Variants in IL1RAPL1 observed in about 807,000 individuals in gnomAD.
IL1RAPL1 encodes interleukin-1 receptor accessory protein-like 1.
In IL1RAPL1, 3 loss-of-function variants were observed where a neutral mutation model predicts 48.4. That is an observed-to-expected ratio of 0.06 (90% CI 0.03 to 0.16). The LOEUF (loss-of-function observed/expected upper bound fraction) is 0.16, where lower values mean the gene tolerates loss of function less well. Among genes scored for constraint, IL1RAPL1 ranks in the 10% least tolerant of loss-of-function variants. The pLI, the probability that IL1RAPL1 is intolerant of heterozygous loss-of-function variation, is 1.00. For synonymous variants in IL1RAPL1, 185 were observed against 187.7 expected (o/e 0.99, Z 0.12); for missense variants, 349 against 530.6 (o/e 0.66, Z 3.36).
intron 1 of IL1RAPL1, among the ~76,000 whole-genome samples, chrX:28,747,997 A>G (rs1386810243): frequency 8.9e-6 from 1 of 111,837 alleles, no homozygotes; most frequent in Non-Finnish European, 1.9e-5. Flanking sequence ...CTTCTAATTC[A>G]CTAATTCTCT....
At chrX:28,985,187 C>T (rs964395511) in intron 2 of IL1RAPL1, among the ~76,000 whole-genome samples, 1 of 111,619 alleles carries the variant, frequency 9.0e-6, no homozygotes, top group African/African-American at 3.3e-5. Context: ...TGAGCCTTGA[C>T]TGAGTGTTAG....
At chrX:29,936,102 C>T (rs1421357471) in intron 8 of IL1RAPL1, among the ~76,000 whole-genome samples, 1 of 109,183 alleles carries the variant, frequency 9.2e-6, no homozygotes, top group African/African-American at 3.3e-5. Context: ...GTTTCCCCCA[C>T]CCCCCGCAAA....
intron 2 of IL1RAPL1, among the ~76,000 whole-genome samples, chrX:28,855,995 A>G (rs944105410): frequency 5.4e-5 from 6 of 112,114 alleles, no homozygotes; most frequent in African/African-American, 1.9e-4. Context: ...TATTTAATAC[A>G]AAATCTCCAA....
chrX:29,416,271 G>T (rs1371378764), intron 5 of IL1RAPL1, among the ~76,000 whole-genome samples: 1 of 111,404 alleles, frequency 9.0e-6, no homozygotes, highest in African/African-American at 3.3e-5. Flanking sequence ...TGGGCTGGGC[G>T]CATTGGCTCA....
chrX:28,596,349 CCCTT>C (rs1372562337), intron 1 of IL1RAPL1, among the ~76,000 whole-genome samples: 2 of 109,611 alleles, frequency 1.8e-5, no homozygotes, highest in African/African-American at 6.6e-5. Flanking sequence ...CTCCCTCCCT[CCCTT>C]CCTTCCTTCC....
At chrX:29,171,121 C>T (rs1318796615) in intron 2 of IL1RAPL1, among the ~76,000 whole-genome samples, 1 of 110,818 alleles carries the variant, frequency 9.0e-6, no homozygotes, top group Non-Finnish European at 1.9e-5. Flanking sequence ...CTCAGCCTCC[C>T]GAGTAGCTGG....
intron 2 of IL1RAPL1, among the ~76,000 whole-genome samples, chrX:29,160,749 A>G (rs149779698): frequency 1.2e-4 from 13 of 112,451 alleles, no homozygotes; most frequent in African/African-American, 3.9e-4. Context: ...TTAACAGTTA[A>G]ACAAGACATT....
At chrX:29,319,857 A>G (rs1932792265) in intron 3 of IL1RAPL1, among the ~76,000 whole-genome samples, 1 of 111,358 alleles carries the variant, frequency 9.0e-6, no homozygotes, top group Non-Finnish European at 1.9e-5. Flanking sequence ...AGTTTATGAC[A>G]TTTTAATTTA....
chrX:29,864,075 G>A (rs1170453755), intron 6 of IL1RAPL1, among the ~76,000 whole-genome samples: 3 of 112,138 alleles, frequency 2.7e-5, no homozygotes, highest in Admixed American at 1.9e-4. Flanking sequence ...GTGAGCCACC[G>A]TGCCCAGCTG....
At chrX:29,037,166 G>A (rs988870530) in intron 2 of IL1RAPL1, among the ~76,000 whole-genome samples, 1 of 111,802 alleles carries the variant, frequency 8.9e-6, no homozygotes, top group Non-Finnish European at 1.9e-5. Context: ...ACATAAATAT[G>A]ACCAGTTAAA....
intron 5 of IL1RAPL1, among the ~76,000 whole-genome samples, chrX:29,595,938 C>T (rs1050542507): frequency 9.0e-6 from 1 of 111,524 alleles, no homozygotes; most frequent in African/African-American, 3.3e-5. Flanking sequence ...GATCCAGTTT[C>T]ATTCTTCTGT....
At chrX:29,908,582 T>G (rs1016778855) in intron 6 of IL1RAPL1, among the ~76,000 whole-genome samples, 2 of 110,851 alleles carry the variant, frequency 1.8e-5, no homozygotes, top group Admixed American at 9.6e-5. Context: ...CTCCATTTGA[T>G]CTATAGGATA....
chrX:28,871,527 A>G (rs1044768550), intron 2 of IL1RAPL1, among the ~76,000 whole-genome samples: 1 of 111,836 alleles, frequency 8.9e-6, no homozygotes, highest in Non-Finnish European at 1.9e-5. Context: ...ACCCACCTTC[A>G]TCAGAATCTC....
chrX:28,606,436 A>G (rs1199405925), intron 1 of IL1RAPL1, among the ~76,000 whole-genome samples: 2 of 111,926 alleles, frequency 1.8e-5, no homozygotes, highest in Non-Finnish European at 3.8e-5. Flanking sequence ...AGTTTTACCA[A>G]TACCACAGGC....
At chrX:29,333,609 G>A (rs1312593614) in intron 3 of IL1RAPL1, among the ~76,000 whole-genome samples, 10 of 92,571 alleles carry the variant, frequency 1.1e-4, no homozygotes, top group African/African-American at 4.3e-4. Flanking sequence ...CTCCCAGACG[G>A]GGCGGCTGGC....
At position 29,412,340 on chromosome X, in the gene IL1RAPL1, A is replaced by G. The variant is rs181528259; in HGVS notation, c.703+13032A>G. Among the ~76,000 whole-genome samples, 947 of 111,864 alleles carry G rather than the reference A, an allele frequency of 8.5e-3. 15 individuals carry two copies. Among genetic ancestry groups the G allele is most frequent in the African/African-American group, 0.029 (904 of 30,856 alleles). The stretch of plus-strand genomic sequence containing the variant: ...AAAATATCAACAACTGGGCTGTCCA[A>G]TATAATAGCCACAAGCACCATGTGT... On this transcript the variant is annotated intron_variant, in intron 5 of 10. Coordinates refer to ENST00000378993, the MANE Select transcript of IL1RAPL1 (RefSeq NM_014271.4).
intron 2 of IL1RAPL1, among the ~76,000 whole-genome samples, chrX:28,805,107 A>C (rs1249007410): frequency 9.0e-6 from 1 of 110,829 alleles, no homozygotes; most frequent in Non-Finnish European, 1.9e-5. Context: ...GCTCTAAGAC[A>C]AGAGAGTGGG....
chrX:28,673,060 T>C (rs779889193), intron 1 of IL1RAPL1, among the ~76,000 whole-genome samples: 17 of 111,874 alleles, frequency 1.5e-4, no homozygotes, highest in African/African-American at 5.2e-4. Context: ...GGTATTTGGT[T>C]TTCTGTTCCT....
At chrX:29,364,562 C>CAAAAA (rs766680904) in intron 3 of IL1RAPL1, among the ~76,000 whole-genome samples, 2 of 43,566 alleles carry the variant, frequency 4.6e-5, no homozygotes, top group Non-Finnish European at 8.2e-5. Flanking sequence ...GACTCTATCT[C>CAAAAA]AAAAAAAAAA....
Sources: allele counts gnomAD v4.1 joint callset (sites outside exome capture counted in the v4.1 genomes callset), GRCh38; gene constraint gnomAD v4.1.1; transcripts MANE v1.5; gene names NCBI Gene and HGNC (gene_info 2026-07-23, HGNC 2026-07-21).